CEP120: variants seen among roughly 807,000 people sequenced by gnomAD.
The protein encoded by CEP120 is centrosomal protein 120.
CEP120 carries 113 observed loss-of-function variants against 126.5 expected under a neutral mutation model. That is an observed-to-expected ratio of 0.89 (90% CI 0.77 to 1.04). The LOEUF is 1.04. Ranked by LOEUF, CEP120 falls within the 50% of genes least tolerant of loss-of-function variation. CEP120 has a pLI of 0.00. For missense variants in CEP120, 1,230 were observed against 1,155.7 expected, an observed-to-expected ratio of 1.06 and a Z score of -0.93; for synonymous variants, 400 against 394.3, an observed-to-expected ratio of 1.01 and a Z score of -0.17.
chr5:123,349,676 T>C (rs1351951243), intron 19 of CEP120, among the ~76,000 whole-genome samples: 1 of 152,136 alleles, frequency 6.6e-6, no homozygotes, highest in Non-Finnish European at 1.5e-5. Context: ...TCTCACTCTG[T>C]CACTCAGGCT....
intron 18 of CEP120, among the ~76,000 whole-genome samples, chr5:123,351,535 C>T (rs1199520318): frequency 6.6e-6 from 1 of 152,120 alleles, no homozygotes; most frequent in Non-Finnish European, 1.5e-5. Context: ...CTTCAAATTG[C>T]GTGGTCAGAG....
Position 123,385,229 on chromosome 5 carries a change from T to A in CEP120, c.1581-96A>T, listed in dbSNP as rs13159477. On this transcript the variant is annotated intron_variant, in intron 10 of 19. Transcript: ENST00000306467. ...TGAATTCCCTCAATGGAGTCAAAGA[T>A]GTTTTTTGTTACCTGGAATGTCGTC... 0.44 allele frequency: 414,675 copies of A among 952,248 alleles called. 91,469 individuals carry two copies. The highest frequency in any genetic ancestry group is 0.47 in the East Asian group (17,199 of 36,652). The allele number at this position is 952,248 out of a possible 1,614,324, so 59.0% of individuals were successfully genotyped here.
At chr5:123,415,253 T>C (rs935459602) in intron 3 of CEP120, among the ~76,000 whole-genome samples, 2 of 151,898 alleles carry the variant, frequency 1.3e-5, no homozygotes, top group African/African-American at 4.8e-5. Flanking sequence ...AAAAGCAGAA[T>C]AGCAGACAGA....
In CEP120 at chr5:123,378,365, C is replaced by A; in HGVS notation, c.2167G>T (p.Glu723Ter). The A allele has an allele frequency of 6.2e-7, 1 of 1,608,526 alleles. No homozygotes were observed. Among genetic ancestry groups the A allele is most frequent in the Non-Finnish European group, 8.5e-7 (1 of 1,177,844 alleles). ...GATTCCACACTAGCAAGCTGCTGCT[C>A]TCGCTTCTCCAAGTCAATTAGAGTT... ...QKTLIDLEKREQQLASVESEL... is the reference protein window; with the variant it reads ...QKTLIDLEKR Residue 723 changes from glutamate to a stop codon, truncating the protein, a stop_gained, in exon 15 of 20, where the codon GAG becomes TAG. Coordinates refer to ENST00000306467, the MANE Select transcript of CEP120 (RefSeq NM_001375405.1). LOFTEE classifies it high-confidence loss of function.
chr5:123,382,611 A>T, intron 13 of CEP120, 126 bp downstream of exon 13: 1 of 845,184 alleles, frequency 1.2e-6, no homozygotes, highest in Non-Finnish European at 1.7e-6. Context: ...TAAGTAAAGC[A>T]TTGTTGACAT....
At chr5:123,387,983 G>A (rs1460333937) in intron 9 of CEP120, among the ~76,000 whole-genome samples, 1 of 134,044 alleles carries the variant, frequency 7.5e-6, no homozygotes, top group East Asian at 2.2e-4. Flanking sequence ...TTATAATACA[G>A]TTTTATAGAA....
chr5:123,419,554 A>AAC (rs1554106705), intron 1 of CEP120, among the ~76,000 whole-genome samples: 6 of 60,026 alleles, frequency 1.0e-4, no homozygotes, highest in South Asian at 6.2e-4. Flanking sequence ...AAACAAAAAC[A>AAC]AAAAAAAAAA....
chr5:123,346,840 G>A, intron 19 of CEP120, 87 bp from the exon 20 acceptor site: 1 of 984,948 alleles, frequency 1.0e-6, no homozygotes, highest in Non-Finnish European at 1.4e-6. Context: ...TCAATGGTAA[G>A]ACAAGGTTTT....
chr5:123,408,453 C>T (rs1446496395), intron 4 of CEP120, among the ~76,000 whole-genome samples: 1 of 151,030 alleles, frequency 6.6e-6, no homozygotes, highest in Non-Finnish European at 1.5e-5. Flanking sequence ...ACAGAGCCTA[C>T]CGGTATTAAA....
chr5:123,371,339 T>C (rs568474643), intron 17 of CEP120, among the ~76,000 whole-genome samples: 1 of 152,044 alleles, frequency 6.6e-6, no homozygotes, highest in African/African-American at 2.4e-5. Flanking sequence ...CAAGTCACAT[T>C]TTATGTGGAT....
intron 4 of CEP120, among the ~76,000 whole-genome samples, chr5:123,399,517 GT>G (rs1304241921): frequency 1.3e-5 from 2 of 152,044 alleles, no homozygotes; most frequent in African/African-American, 4.8e-5. Flanking sequence ...AAACCTTAAG[GT>G]AATAAACCAC....
intron 18 of CEP120, among the ~76,000 whole-genome samples, chr5:123,363,623 A>G (rs1770246969): frequency 6.6e-6 from 1 of 151,494 alleles, no homozygotes; most frequent in Admixed American, 6.6e-5. Flanking sequence ...TCTATCATTT[A>G]TGTTAGGGTA....
intron 4 of CEP120, chr5:123,402,184 A>T: frequency 6.4e-7 from 1 of 1,572,356 alleles, no homozygotes. Context: ...GCCCCACCAC[A>T]GCCGCCGCCC....
chr5:123,356,228 T>G (rs1485372994), intron 18 of CEP120, among the ~76,000 whole-genome samples: 3 of 152,134 alleles, frequency 2.0e-5, no homozygotes, highest in Non-Finnish European at 2.9e-5. Flanking sequence ...GCCTCCAGCT[T>G]TGTTCTTTTG....
At position 123,350,005 on chromosome 5, in the gene CEP120, C is replaced by T. The variant is rs754830593; in HGVS notation, c.2665G>A (p.Glu889Lys). The change falls in exon 19 of 20, where the codon GAA becomes AAA. Residue 889 changes from glutamate to lysine, a missense_variant. By Grantham distance (56) the Glu-to-Lys change is moderately conservative. Coordinates refer to ENST00000306467, the MANE Select transcript of CEP120 (RefSeq NM_001375405.1). ...QMRLRYLAAE[E>K]KDTVKTERQE... ...CGCTCGGTTTTTACTGTATCTTTTTCCTCAGCGGCAAGGTAACGTAGTCTC... is the reference window on the plus strand; with the variant it reads ...CGCTCGGTTTTTACTGTATCTTTTTTCTCAGCGGCAAGGTAACGTAGTCTC... 1.2e-6 allele frequency: 2 copies of T among 1,613,678 alleles called. No homozygotes were observed. Among genetic ancestry groups the T allele is most frequent in the Non-Finnish European group, 1.7e-6 (2 of 1,179,836 alleles).
chr5:123,413,811 TA>T (rs1774219751), intron 3 of CEP120, among the ~76,000 whole-genome samples: 1 of 152,228 alleles, frequency 6.6e-6, no homozygotes, highest in African/African-American at 2.4e-5. Context: ...ATGTATTTCT[TA>T]TAACAAATAT....
At position 123,403,150 on chromosome 5, in the gene CEP120, C is replaced by T. The variant is rs180803368; in HGVS notation, c.464-3866G>A. Reference sequence around the variant, plus strand: ...ATATGTGTGTGTACACATATATGCACAAATTCCCTCACTTTGTCTACTGAA... The same window carrying T: ...ATATGTGTGTGTACACATATATGCATAAATTCCCTCACTTTGTCTACTGAA... On this transcript the variant is annotated intron_variant, in intron 4 of 19. Transcript: ENST00000306467. 1.0e-5 allele frequency: 4 copies of T among 394,584 alleles called. No individual in the cohort carries two copies. The Admixed American group carries it at 1.3e-4, about 13-fold the overall frequency. 24.4% of individuals were successfully genotyped at this position (394,584 alleles called of 1,614,324 possible). A position where few individuals can be genotyped will look rare whatever the true frequency, so the allele number is the denominator to read the frequency against.
At chr5:123,415,766 G>C (rs1413018191) in intron 3 of CEP120, among the ~76,000 whole-genome samples, 1 of 152,128 alleles carries the variant, frequency 6.6e-6, no homozygotes, top group South Asian at 2.1e-4. Flanking sequence ...AGCTACTCAG[G>C]AGGCTAAGGC....
rs1162231776 is a variant in CEP120, at chr5:123,391,345, G to A, written c.811-8C>T. 3 of 1,595,660 alleles carry A rather than the reference G, an allele frequency of 1.9e-6. No individual in the cohort carries two copies. Among genetic ancestry groups the A allele is most frequent in the Admixed American group, 1.7e-5 (1 of 59,382 alleles). ...TCCACAGCAGAGGTGAATCTAATAT[G>A]AAAGGGAAAAATCAAAATAGGGCTT... On this transcript the variant is annotated splice_region_variant and splice_polypyrimidine_tract_variant and intron_variant, in intron 6 of 19. Transcript: ENST00000306467.
Sources: gnomAD v4.1 joint callset for allele counts (sites outside exome capture counted in the v4.1 genomes callset) on GRCh38, gnomAD v4.1.1 for gene constraint, MANE v1.5 for transcripts, NCBI Gene and HGNC (gene_info 2026-07-23, HGNC 2026-07-21) for gene names.